NUP93: variants seen among roughly 807,000 people sequenced by gnomAD.
The protein encoded by NUP93 is nuclear pore complex protein Nup93.
A neutral mutation model predicts 107.8 loss-of-function variants in NUP93; 55 were observed. The observed-to-expected ratio is 0.51, with a 90% CI of 0.41 to 0.64. The LOEUF is 0.64. NUP93 is among the 30% of genes least tolerant of loss of function. The pLI is 0.00. For missense variants in NUP93, 937 were observed against 1,044.7 expected (o/e 0.90, Z 1.42); for synonymous variants, 390 against 397.5 (o/e 0.98, Z 0.22).
intron 3 of NUP93, among the ~76,000 whole-genome samples, chr16:56,762,811 TCTGATTGGCTC>T (rs1317007904): frequency 6.6e-6 from 1 of 152,122 alleles, no homozygotes; most frequent in Non-Finnish European, 1.5e-5. Context: ...TCTTCTGGCT[TCTGATTGGCTC>T]CTGACATTCC....
chr16:56,832,203 T>C, intron 11 of NUP93, 92 bp from the exon 12 acceptor site: 1 of 1,271,400 alleles, frequency 7.9e-7, no homozygotes, highest in Non-Finnish European at 1.1e-6. Context: ...CTAGCTGACA[T>C]CATTGAGCAT....
intron 9 of NUP93, 40 bp downstream of exon 9, chr16:56,829,149 G>T (rs1963729546): frequency 1.3e-6 from 2 of 1,589,672 alleles, no homozygotes; most frequent in East Asian, 4.5e-5. Flanking sequence ...TACACCCCCA[G>T]AGCAGTTGCC....
chr16:56,740,394 CGG>C (rs1961708322), intron 1 of NUP93, among the ~76,000 whole-genome samples: 1 of 150,792 alleles, frequency 6.6e-6, no homozygotes, highest in Non-Finnish European at 1.5e-5. Flanking sequence ...GATGGGGCGG[CGG>C]GGCAGAGGCG....
chr16:56,798,277 C>T (rs1962943021), intron 3 of NUP93, among the ~76,000 whole-genome samples, 199 bp from the exon 4 acceptor site: 1 of 152,184 alleles, frequency 6.6e-6, no homozygotes, highest in Non-Finnish European at 1.5e-5. Context: ...TACTTTCTAA[C>T]AATCATCATG....
chr16:56,753,935 G>A (rs1218846886), intron 2 of NUP93, among the ~76,000 whole-genome samples: 2 of 151,930 alleles, frequency 1.3e-5, no homozygotes, highest in African/African-American at 2.4e-5. Context: ...GCAAATTGTT[G>A]GGGCTGGGTG....
chr16:56,789,357 G>A (rs1488755349), intron 3 of NUP93, among the ~76,000 whole-genome samples: 1 of 152,204 alleles, frequency 6.6e-6, no homozygotes, highest in Admixed American at 6.5e-5. Flanking sequence ...AAATCATGGG[G>A]GCAAATAATT....
chr16:56,821,158 T>C (rs959692061), intron 6 of NUP93, among the ~76,000 whole-genome samples: 33 of 152,092 alleles, frequency 2.2e-4, no homozygotes, highest in African/African-American at 7.7e-4. Context: ...AAGAATTGAG[T>C]CCTTTGCCTT....
intron 8 of NUP93, among the ~76,000 whole-genome samples, chr16:56,827,633 CA>C (rs1372064949): frequency 2.0e-5 from 3 of 152,128 alleles, no homozygotes; most frequent in Admixed American, 2.0e-4. Flanking sequence ...GGGCTACTGG[CA>C]AAAAAATTGA....
chr16:56,837,785 C>A, intron 18 of NUP93, 59 bp downstream of exon 18: 1 of 1,248,754 alleles, frequency 8.0e-7, no homozygotes, highest in Non-Finnish European at 1.2e-6. Context: ...GCCAGGCCAC[C>A]TATGCCCACC....
intron 1 of NUP93, among the ~76,000 whole-genome samples, chr16:56,731,815 C>G (rs1961539870): frequency 2.0e-5 from 3 of 152,240 alleles, no homozygotes; most frequent in Middle Eastern, 6.8e-3. Flanking sequence ...TGCTTCTGTC[C>G]TGGCCCCTGT....
chr16:56,779,675 A>G (rs1291085999), intron 3 of NUP93, among the ~76,000 whole-genome samples: 1 of 152,150 alleles, frequency 6.6e-6, no homozygotes, highest in African/African-American at 2.4e-5. Context: ...CCACTCATCT[A>G]GTTTCCTTGG....
chr16:56,731,557 A>G (rs1264177333), intron 1 of NUP93, among the ~76,000 whole-genome samples: 3 of 151,792 alleles, frequency 2.0e-5, no homozygotes, highest in African/African-American at 7.3e-5. Context: ...ACAGGCGTGT[A>G]CCACCTCACC....
intron 5 of NUP93, among the ~76,000 whole-genome samples, chr16:56,818,136 A>G (rs914991245): frequency 2.6e-5 from 4 of 152,208 alleles, no homozygotes; most frequent in Non-Finnish European, 2.9e-5. Flanking sequence ...TGAATGTCCA[A>G]CTTGCCCTGG....
intron 3 of NUP93, among the ~76,000 whole-genome samples, chr16:56,761,112 G>A (rs961890603): frequency 6.6e-6 from 1 of 152,208 alleles, no homozygotes; most frequent in African/African-American, 2.4e-5. Flanking sequence ...AGGCTTACTA[G>A]TTTTGAAATA....
At chr16:56,763,075 A>G (rs1470810516) in intron 3 of NUP93, among the ~76,000 whole-genome samples, 4 of 152,224 alleles carry the variant, frequency 2.6e-5, no homozygotes, top group Admixed American at 6.5e-5. Flanking sequence ...TGTGGGACAC[A>G]CACTTCAACC....
At chr16:56,834,857 A>G in intron 16 of NUP93, 79 bp downstream of exon 16, 5 of 1,188,320 alleles carry the variant, frequency 4.2e-6, no homozygotes, top group Non-Finnish European at 6.1e-6. Context: ...CTTAGATTTT[A>G]AGATTCAAGG....
intron 5 of NUP93, among the ~76,000 whole-genome samples, chr16:56,811,597 A>G (rs909219513): frequency 1.3e-5 from 2 of 151,614 alleles, no homozygotes; most frequent in Admixed American, 6.6e-5. Flanking sequence ...CAGCCTCCCG[A>G]ATAGCTGGGA....
Position 56,829,088 on chromosome 16 carries a change from A to G in NUP93, c.906A>G (p.Pro302=). Residue 302 remains proline (P), a synonymous_variant, in exon 9 of 22, where the codon CCA becomes CCG. Transcript: ENST00000308159. Reference sequence around the variant, plus strand: ...GAAGTTTCCTGAACATTAAACTGCCAGCTCCCTTGCCTGGACTACAGGTAC... The same window carrying G: ...GAAGTTTCCTGAACATTAAACTGCCGGCTCCCTTGCCTGGACTACAGGTAC... ...LVRSFLNIKL[P]APLPGLQDGE... is the part of the protein sequence containing the mutation. 1 of 1,613,160 alleles carries G rather than the reference A, an allele frequency of 6.2e-7. No homozygotes were observed. Among genetic ancestry groups the G allele is most frequent in the South Asian group, 1.1e-5 (1 of 90,648 alleles).
Position 56,761,512 on chromosome 16 carries a change from A to T in NUP93, c.297+2857A>T, listed in dbSNP as rs1962125710. Among the ~76,000 whole-genome samples, 13 of 151,982 alleles carry T rather than the reference A, an allele frequency of 8.6e-5. No homozygotes were observed. In the South Asian group the frequency reaches 2.5e-3, roughly 29 times the overall value. On this transcript the variant is annotated intron_variant, in intron 3 of 21. Transcript: ENST00000308159. The stretch of plus-strand genomic sequence containing the variant: ...TTAAATGAGATATAATTCACATACC[A>T]TAAATGTGGTGGACTTTTGTAATTG...
Sources: gnomAD v4.1 joint callset for allele counts (sites outside exome capture counted in the v4.1 genomes callset) on GRCh38, gnomAD v4.1.1 for gene constraint, MANE v1.5 for transcripts, NCBI Gene and HGNC (gene_info 2026-07-23, HGNC 2026-07-21) for gene names.